NTNG2: variants seen among roughly 807,000 people sequenced by gnomAD.
NTNG2 encodes the protein netrin-G2.
In NTNG2, 15 loss-of-function variants were observed where a neutral mutation model predicts 47.6. The observed-to-expected ratio is 0.32, with a 90% CI of 0.21 to 0.49. The LOEUF (loss-of-function observed/expected upper bound fraction) is 0.49. NTNG2 is among the 20% of genes least tolerant of loss of function. The probability of loss-of-function intolerance (pLI) is 0.99; values close to 1 mark genes in which losing one functional copy is unlikely to be tolerated. For missense variants in NTNG2, 578 were observed against 764.6 expected, an observed-to-expected ratio of 0.76 and a Z score of 2.88; for synonymous variants, 307 against 324.6, an observed-to-expected ratio of 0.95 and a Z score of 0.58.
At chr9:132,230,371 TGAG>T (rs1415082369) in intron 4 of NTNG2, among the ~76,000 whole-genome samples, 198 bp from the exon 5 acceptor site, 1 of 152,160 alleles carries the variant, frequency 6.6e-6, no homozygotes, top group African/African-American at 2.4e-5. Context: ...AGGGCTGAAG[TGAG>T]GATGAAATGG....
In NTNG2 at chr9:132,166,796, G is replaced by T. The variant is rs1004927893; in HGVS notation, c.-36G>T. ...CTGACCCCGTCGCTGCCTCTCCAGG[G>T]CTTCTCTGGGCCGCGCCTCTGCAGA... On this transcript the variant is annotated 5_prime_UTR_variant, in exon 2 of 8. Transcript: ENST00000393229. 1 of 1,604,764 alleles carries T rather than the reference G, an allele frequency of 6.2e-7. No individual in the cohort carries two copies. The highest frequency in any genetic ancestry group is 1.1e-5 in the South Asian group (1 of 90,876).
At position 132,231,215 on chromosome 9, in the gene NTNG2, G is replaced by A. The variant is rs749322436; in HGVS notation, c.1054+620G>A. The A allele has an allele frequency of 2.8e-5, 12 of 428,594 alleles. No homozygotes were observed. The highest frequency in any genetic ancestry group is 5.2e-5 in the Non-Finnish European group (11 of 212,828). 26.5% of individuals were successfully genotyped at this position (428,594 alleles called of 1,614,324 possible). On this transcript the variant is annotated intron_variant, in intron 5 of 7. Transcript: ENST00000393229. The surrounding 1 kb of genome is among the most constrained non-coding windows in gnomAD (Gnocchi z 4.1). ...TCCCCAGGAGGGCGAGGGCGACATG[G>A]CGCCCACAGGTTATCAGTAAATGTC...
At chr9:132,203,796 C>G (rs2130777026) in intron 3 of NTNG2, among the ~76,000 whole-genome samples, 1 of 152,290 alleles carries the variant, frequency 6.6e-6, no homozygotes, top group East Asian at 1.9e-4. Flanking sequence ...CTGCCCACTC[C>G]AGACCTGGGA....
chr9:132,174,551 C>T (rs1836263108), intron 2 of NTNG2, among the ~76,000 whole-genome samples: 1 of 152,192 alleles, frequency 6.6e-6, no homozygotes, highest in African/African-American at 2.4e-5. Flanking sequence ...TGGACACAAC[C>T]TCGAAGGACG....
intron 4 of NTNG2, among the ~76,000 whole-genome samples, chr9:132,227,943 C>T (rs1042594635): frequency 4.6e-5 from 7 of 152,216 alleles, no homozygotes; most frequent in African/African-American, 7.2e-5. Flanking sequence ...GGTTGGTGTC[C>T]GAGGCCCTCC....
chr9:132,238,827 A>C, intron 5 of NTNG2: 1 of 508,036 alleles, frequency 2.0e-6, no homozygotes, highest in East Asian at 4.0e-5. Context: ...CATTAGCAGG[A>C]GCTGCCCACT....
intron 2 of NTNG2, among the ~76,000 whole-genome samples, chr9:132,193,818 C>A (rs1226787154): frequency 6.6e-6 from 1 of 152,160 alleles, no homozygotes; most frequent in Non-Finnish European, 1.5e-5. Context: ...TTTCCTTGTT[C>A]TGGAGGCTGA....
In NTNG2 at chr9:132,197,161, A is replaced by T. The variant is rs1043069546; in HGVS notation, c.214-805A>T. On this transcript the variant is annotated intron_variant, in intron 2 of 7. Coordinates refer to ENST00000393229, the MANE Select transcript of NTNG2 (RefSeq NM_032536.4). The surrounding 1 kb of genome is among the most constrained non-coding windows in gnomAD (Gnocchi z 4.3). ...TCCCAGCACTTTGGGAGGGCAAGCC[A>T]GGTGGATCAACGGAGGTCAGAGTTC... 8.5e-5 allele frequency among the ~76,000 whole-genome samples: 13 copies of T among 152,180 alleles called. No individual in the cohort carries two copies. Among genetic ancestry groups the T allele is most frequent in the Admixed American group, 5.9e-4 (9 of 15,286 alleles).
rs767699508 is a variant in NTNG2 at position 132,198,325 on chromosome 9, C to G, written c.573C>G (p.His191Gln). 1.9e-6 allele frequency: 3 copies of G among 1,612,770 alleles called. No individual in the cohort carries two copies. Among genetic ancestry groups the G allele is most frequent in the Non-Finnish European group, 2.5e-6 (3 of 1,179,874 alleles). ...GCGACATGTCATCCTCCAGCGCGCA[C>G]CGCGTGCTCTGCACCGAGGAGTACT... is the stretch of plus-strand genomic sequence containing the variant. ...RARDMSSSSA[H>Q]RVLCTEEYSR... The change falls in exon 3 of 8, where the codon CAC (histidine) becomes CAG (glutamine). Residue 191 changes from histidine to glutamine, a missense_variant. By Grantham distance (24) the His-to-Gln change is conservative. Transcript: ENST00000393229.
At chr9:132,237,595 G>T (rs1322349409) in intron 5 of NTNG2, among the ~76,000 whole-genome samples, 4 of 152,184 alleles carry the variant, frequency 2.6e-5, no homozygotes, top group African/African-American at 9.7e-5. Context: ...GAAAAAGACG[G>T]TGCAGGATAG....
intron 4 of NTNG2, among the ~76,000 whole-genome samples, chr9:132,228,268 C>T (rs1022926730): frequency 1.3e-5 from 2 of 152,256 alleles, no homozygotes; most frequent in Non-Finnish European, 2.9e-5. Context: ...GCGTGTGCTA[C>T]AGCAGGCGGT....
chr9:132,239,061 A>T, intron 5 of NTNG2, 43 bp from the exon 6 acceptor site: 1 of 1,595,794 alleles, frequency 6.3e-7, no homozygotes, highest in Non-Finnish European at 8.6e-7. Flanking sequence ...GTTTCCCTGA[A>T]TGCTCGCTGA....
At chr9:132,183,234 G>T (rs904838828) in intron 2 of NTNG2, among the ~76,000 whole-genome samples, 1 of 152,090 alleles carries the variant, frequency 6.6e-6, no homozygotes, top group African/African-American at 2.4e-5. Flanking sequence ...TTGTTCCCAG[G>T]CTCTTCACCT....
At chr9:132,206,921 G>A (rs1438397822) in intron 3 of NTNG2, among the ~76,000 whole-genome samples, 3 of 152,236 alleles carry the variant, frequency 2.0e-5, no homozygotes, top group Non-Finnish European at 4.4e-5. Flanking sequence ...GCCAAGGCAG[G>A]TGGTTGACCC....
chr9:132,177,715 T>C (rs1836573406), intron 2 of NTNG2, among the ~76,000 whole-genome samples: 1 of 152,212 alleles, frequency 6.6e-6, no homozygotes, highest in Non-Finnish European at 1.5e-5. Context: ...TGGAGTGCAG[T>C]GGTGCGATCT....
intron 5 of NTNG2, 32 bp from the exon 6 acceptor site, chr9:132,239,072 C>T (rs1161075652): frequency 6.2e-7 from 1 of 1,602,930 alleles, no homozygotes; most frequent in Non-Finnish European, 8.5e-7. Flanking sequence ...TGCTCGCTGA[C>T]CATTGGTATT....
At chr9:132,238,637 C>T (rs1051633607) in intron 5 of NTNG2, among the ~76,000 whole-genome samples, 3 of 152,356 alleles carry the variant, frequency 2.0e-5, no homozygotes, top group East Asian at 1.9e-4. Flanking sequence ...TCTTGTCCAG[C>T]GTCCATCCAT....
chr9:132,185,555 C>T (rs748002653), intron 2 of NTNG2, among the ~76,000 whole-genome samples: 2 of 152,082 alleles, frequency 1.3e-5, no homozygotes, highest in Non-Finnish European at 2.9e-5. Flanking sequence ...GCTGTTCCTA[C>T]TCTCTAAGCA....
At chr9:132,196,755 A>G (rs1838341678) in intron 2 of NTNG2, among the ~76,000 whole-genome samples, 1 of 152,152 alleles carries the variant, frequency 6.6e-6, no homozygotes, top group African/African-American at 2.4e-5. Context: ...GATTCCGTTC[A>G]ATTGTAACAC....
Sources: gnomAD v4.1 joint callset for allele counts (sites outside exome capture counted in the v4.1 genomes callset) on GRCh38, gnomAD v4.1.1 for gene constraint, Gnocchi (gnomAD v3.1) non-coding constraint, MANE v1.5 for transcripts, NCBI Gene and HGNC (gene_info 2026-07-23, HGNC 2026-07-21) for gene names.